The following CELA2B variants were observed in gnomAD, a reference collection of about 807,000 sequenced individuals.
The protein encoded by CELA2B is chymotrypsin like elastase 2B, also known as chymotrypsin-like elastase family member 2B.
A neutral mutation model predicts 36.5 loss-of-function variants in CELA2B; 27 were observed. That is an observed-to-expected ratio of 0.74 (90% CI 0.55 to 1.02). The LOEUF (loss-of-function observed/expected upper bound fraction) is 1.02. Among genes scored for constraint, CELA2B ranks in the 50% least tolerant of loss-of-function variants. The pLI is 0.00. For synonymous variants in CELA2B, 143 were observed against 148.5 expected (o/e 0.96, Z 0.27); for missense variants, 340 against 347.8 (o/e 0.98, Z 0.18).
At chr1:15,483,227 A>C in intron 4 of CELA2B, 37 bp from the exon 5 acceptor site, 1 of 1,612,162 alleles carries the variant, frequency 6.2e-7, no homozygotes, top group Non-Finnish European at 8.5e-7. Context: ...AGGAAAAGTC[A>C]ACCCTGTTCT....
chr1:15,482,524 C>T, intron 4 of CELA2B, 131 bp downstream of exon 4: 2 of 1,323,922 alleles, frequency 1.5e-6, no homozygotes, highest in Non-Finnish European at 2.1e-6. Flanking sequence ...GAGCTCTGGC[C>T]TATTAGATGT....
rs553091551 is a variant in CELA2B at position 15,482,452 on chromosome 1, C to A, written c.356+59C>A. On this transcript the variant is annotated intron_variant, in intron 4 of 7. Coordinates refer to ENST00000375910, the MANE Select transcript of CELA2B (RefSeq NM_015849.3). ...GTTGTCAGGGAACAGATGGGGGTCT[C>A]ACAGAGGCAAAGGTCTCAACCCCAC... 1.4e-5 allele frequency: 22 copies of A among 1,609,364 alleles called. No homozygotes were observed. In the South Asian group the frequency reaches 2.3e-4, roughly 17 times the overall value.
chr1:15,484,730 C>T (rs759739217), intron 5 of CELA2B, among the ~76,000 whole-genome samples: 13 of 152,122 alleles, frequency 8.5e-5, no homozygotes, highest in South Asian at 2.1e-4. Flanking sequence ...CTGTCGGTCA[C>T]GGTGAAACCT....
intron 4 of CELA2B, 102 bp downstream of exon 4, chr1:15,482,495 T>G: frequency 1.3e-6 from 2 of 1,506,298 alleles, no homozygotes; most frequent in Non-Finnish European, 1.8e-6. Context: ...CCTCTGCTTT[T>G]TCTATAGGGA....
intron 3 of CELA2B, among the ~76,000 whole-genome samples, chr1:15,481,405 C>G (rs957725535): frequency 4.6e-5 from 7 of 152,206 alleles, no homozygotes; most frequent in Non-Finnish European, 7.3e-5. Flanking sequence ...CTGTGCCAGG[C>G]AGGCACTGAG....
chr1:15,482,418 G>C (rs1436128686), intron 4 of CELA2B, 25 bp downstream of exon 4: 2 of 1,613,560 alleles, frequency 1.2e-6, no homozygotes, highest in Non-Finnish European at 8.5e-7. Flanking sequence ...GGGTGCACTT[G>C]GGGGTGAGGT....
chr1:15,485,504 G>T (rs979587256), intron 5 of CELA2B, among the ~76,000 whole-genome samples: 3 of 152,194 alleles, frequency 2.0e-5, no homozygotes, highest in African/African-American at 7.2e-5. Flanking sequence ...CTAGAATCAG[G>T]GGCTGGAAGC....
At position 15,481,114 on chromosome 1, in the gene CELA2B, G is replaced by A. The variant is rs1236313230; in HGVS notation, c.146G>A (p.Ser49Asn). 3.1e-6 allele frequency: 5 copies of A among 1,612,758 alleles called. No individual in the cohort carries two copies. The highest frequency in any genetic ancestry group is 4.2e-6 in the Non-Finnish European group (5 of 1,180,012). The part of the protein sequence containing the change: ...SWPWQVSLQY[S>N]SNGQWYHTCG... Reference sequence around the variant, plus strand: ...TCTCCCCAGGTCTCCCTGCAGTACAGCTCCAATGGCCAGTGGTACCACACC... The same window carrying A: ...TCTCCCCAGGTCTCCCTGCAGTACAACTCCAATGGCCAGTGGTACCACACC... Residue 49 changes from serine to asparagine, a missense_variant, in exon 3 of 8, where the codon AGC (serine) becomes AAC (asparagine). Transcript: ENST00000375910.
intron 2 of CELA2B, among the ~76,000 whole-genome samples, chr1:15,478,218 T>A (rs934543563): frequency 2.6e-4 from 10 of 39,140 alleles, no homozygotes; most frequent in African/African-American, 1.2e-3. Flanking sequence ...ATATATATAT[T>A]GGGATATATA....
intron 5 of CELA2B, among the ~76,000 whole-genome samples, chr1:15,485,034 A>G (rs969902932): frequency 2.6e-5 from 4 of 151,902 alleles, no homozygotes; most frequent in Non-Finnish European, 5.9e-5. Flanking sequence ...AGCAGCTGGG[A>G]TTACAGGCAT....
intron 3 of CELA2B, among the ~76,000 whole-genome samples, chr1:15,481,966 T>C (rs536636963): frequency 1.3e-5 from 2 of 152,170 alleles, no homozygotes; most frequent in South Asian, 4.1e-4. Flanking sequence ...TGAGGGCAAA[T>C]GACTCCTGTT....
At chr1:15,479,193 C>T (rs1292103407) in intron 2 of CELA2B, among the ~76,000 whole-genome samples, 1 of 152,140 alleles carries the variant, frequency 6.6e-6, no homozygotes, top group African/African-American at 2.4e-5. Flanking sequence ...TTTTAAAAGC[C>T]AGTTCATCTA....
chr1:15,484,636 C>T (rs1306021644), intron 5 of CELA2B, among the ~76,000 whole-genome samples: 2 of 152,032 alleles, frequency 1.3e-5, no homozygotes, highest in Non-Finnish European at 2.9e-5. Flanking sequence ...TGTTTGTTTC[C>T]CCAGCCAACC....
intron 5 of CELA2B, 154 bp from the exon 6 acceptor site, chr1:15,485,747 C>T: frequency 2.1e-6 from 2 of 964,782 alleles, no homozygotes; most frequent in Non-Finnish European, 3.1e-6. Flanking sequence ...GCACACTAAC[C>T]AATCAAATGT....
At chr1:15,476,944 T>A (rs1420986416) in intron 2 of CELA2B, among the ~76,000 whole-genome samples, 1 of 152,042 alleles carries the variant, frequency 6.6e-6, no homozygotes, top group East Asian at 1.9e-4. Flanking sequence ...ATCGCACCAC[T>A]ACACTCCGGC....
Position 15,491,044 on chromosome 1 carries a change from G to A in CELA2B, c.793-251G>A, listed in dbSNP as rs558367776. On this transcript the variant is annotated intron_variant, in intron 7 of 7. Coordinates refer to ENST00000375910, the MANE Select transcript of CELA2B (RefSeq NM_015849.3). ...TTTTTAGGGGGTTCGAAGGCCCCCTGACCTGAAGCCCACACAGGACTCCTG... is the reference window on the plus strand; with the variant it reads ...TTTTTAGGGGGTTCGAAGGCCCCCTAACCTGAAGCCCACACAGGACTCCTG... 818 of 527,314 alleles carry A rather than the reference G, an allele frequency of 1.6e-3. 3 individuals carry two copies. Among genetic ancestry groups the A allele is most frequent in the African/African-American group, 0.01 (548 of 52,662 alleles). 32.7% of individuals were successfully genotyped at this position (527,314 alleles called of 1,614,324 possible).
rs1708792557 is a variant in CELA2B at position 15,485,450 on chromosome 1, G to A, written c.494-451G>A. 2.0e-5 allele frequency among the ~76,000 whole-genome samples: 3 copies of A among 152,198 alleles called. No homozygotes were observed. In the South Asian group the frequency reaches 6.2e-4, roughly 32 times the overall value. ...GGGAAATTGTTATAAGGATTTAAAA[G>A]TTTCAACCCAAGGGCAGAGATATAG... On this transcript the variant is annotated intron_variant, in intron 5 of 7. Transcript: ENST00000375910.
intron 3 of CELA2B, 70 bp downstream of exon 3, chr1:15,481,265 T>C: frequency 3.2e-6 from 5 of 1,562,738 alleles, no homozygotes; most frequent in Non-Finnish European, 4.4e-6. Context: ...GGGGCTCAAA[T>C]GGCCTGAACC....
Position 15,482,304 on chromosome 1 carries a change from C to A in CELA2B, c.267C>A (p.Asn89Lys). 6.2e-7 allele frequency: 1 copy of A among 1,614,136 alleles called. No homozygotes were observed. Among genetic ancestry groups the A allele is most frequent in the Admixed American group, 1.7e-5 (1 of 60,018 alleles). ...ACCGCGTGATGCTGGGCCAGCATAA[C>A]CTCTACGTTGCAGAGTCCGGCTCGC... ...GIYRVMLGQH[N>K]LYVAESGSLA... Residue 89 changes from asparagine to lysine, a missense_variant, in exon 4 of 8, where the codon AAC (asparagine) becomes AAA (lysine). By Grantham distance (94) the Asn-to-Lys change is moderately conservative. Transcript: ENST00000375910.
Sources: allele counts gnomAD v4.1 joint callset (sites outside exome capture counted in the v4.1 genomes callset), GRCh38; gene constraint gnomAD v4.1.1; transcripts MANE v1.5; gene names NCBI Gene and HGNC (gene_info 2026-07-23, HGNC 2026-07-21).